Variants in ORC5 observed in about 807,000 individuals in gnomAD.
ORC5 encodes protein phosphatase 1, regulatory subunit 117.
ORC5 carries 39 observed loss-of-function variants against 58.8 expected under a neutral mutation model. The observed-to-expected ratio is 0.66, with a 90% CI of 0.51 to 0.87. ORC5 has a LOEUF of 0.87. Ranked by LOEUF, ORC5 falls within the 40% of genes least tolerant of loss-of-function variation. ORC5 has a pLI of 0.00. For missense variants in ORC5, 493 were observed against 506.3 expected (o/e 0.97, Z 0.25); for synonymous variants, 218 against 177.6 (o/e 1.23, Z -1.81).
At chr7:104,137,686 C>T (rs373804526) in intron 12 of ORC5, among the ~76,000 whole-genome samples, 30 of 152,110 alleles carry the variant, frequency 2.0e-4, no homozygotes, top group African/African-American at 7.0e-4. Context: ...CCAGCAGATG[C>T]CAGCAGGCCA....
At chr7:104,167,521 G>C (rs6979022) in intron 9 of ORC5, among the ~76,000 whole-genome samples, 87,575 of 151,976 alleles carry the variant, frequency 0.58, 29,093 homozygotes, top group Non-Finnish European at 0.76. Flanking sequence ...TGTTGAAGGA[G>C]CTATGTCTAA....
rs964998253 is a variant in ORC5, at chr7:104,146,034, G to A, written c.1150-9141C>T. Reference sequence around the variant, plus strand: ...AGATGACCTTCAAAGAAGAGCAAAAGGAAGTTCTTCAAACAAAAGGAAATA... The same window carrying A: ...AGATGACCTTCAAAGAAGAGCAAAAAGAAGTTCTTCAAACAAAAGGAAATA... On this transcript the variant is annotated intron_variant, in intron 12 of 13. Transcript: ENST00000297431. 3.3e-5 allele frequency among the ~76,000 whole-genome samples: 5 copies of A among 152,180 alleles called. No individual in the cohort carries two copies. In the South Asian group the frequency reaches 8.3e-4, roughly 25 times the overall value.
At chr7:104,162,794 G>A (rs1324403890) in intron 11 of ORC5, among the ~76,000 whole-genome samples, 1 of 152,106 alleles carries the variant, frequency 6.6e-6, no homozygotes, top group African/African-American at 2.4e-5. Flanking sequence ...AAGCTTCCTT[G>A]AACCCTCTCC....
rs1410979436 is a variant in ORC5, at chr7:104,165,293, G to A, written c.991-11C>T. On this transcript the variant is annotated splice_polypyrimidine_tract_variant and intron_variant, in intron 10 of 13. Transcript: ENST00000297431. ...GATTTTTCCATGATGCTGCAATTAAGGAAAACAAATTTTAAGTTGAAAAGA... is the reference window on the plus strand; with the variant it reads ...GATTTTTCCATGATGCTGCAATTAAAGAAAACAAATTTTAAGTTGAAAAGA... The A allele has an allele frequency of 9.4e-6, 14 of 1,493,784 alleles. No individual in the cohort carries two copies. The highest frequency in any genetic ancestry group is 2.8e-5 in the African/African-American group (2 of 71,246). 92.5% of individuals were successfully genotyped at this position (1,493,784 alleles called of 1,614,324 possible).
At chr7:104,126,998 A>T (rs1156725770) in intron 13 of ORC5, 105 bp from the exon 14 acceptor site, 4 of 717,582 alleles carry the variant, frequency 5.6e-6, no homozygotes, top group Non-Finnish European at 9.4e-6. Context: ...TAATGCTAAA[A>T]ATCCTATAGT....
In ORC5 at chr7:104,131,807, G is replaced by A. The variant is rs958714625; in HGVS notation, c.1263-4914C>T. ...AAAGAGGCTGCAGTGAGCCGAGATC[G>A]TGCCACTGCACTCCAGCCTGGGTGA... On this transcript the variant is annotated intron_variant, in intron 13 of 13. Transcript: ENST00000297431. Among the ~76,000 whole-genome samples the A allele has an allele frequency of 3.3e-5, 5 of 151,174 alleles. No homozygotes were observed. In the East Asian group the frequency reaches 5.9e-4, roughly 18 times the overall value.
chr7:104,191,119 GAAA>G (rs749674288), intron 5 of ORC5, among the ~76,000 whole-genome samples: 2 of 78,864 alleles, frequency 2.5e-5, no homozygotes, highest in Non-Finnish European at 5.5e-5. Flanking sequence ...CAAAACTGCT[GAAA>G]AAAAAAAAAA....
chr7:104,199,905 C>G lies in ORC5; in HGVS notation c.366+853G>C, dbSNP rs139440169. 5.3e-3 allele frequency among the ~76,000 whole-genome samples: 813 copies of G among 152,262 alleles called. 14 individuals carry two copies. The highest frequency in any genetic ancestry group is 0.018 in the African/African-American group (754 of 41,550). On this transcript the variant is annotated intron_variant, in intron 3 of 13. Transcript: ENST00000297431. The stretch of plus-strand genomic sequence containing the variant: ...TAATCTCCATGTGTCAAGGGAGAGA[C>G]CAGGTGGAGGTAAATGAATCTTGGG...
intron 12 of ORC5, among the ~76,000 whole-genome samples, chr7:104,148,941 G>A (rs1798802893): frequency 6.6e-6 from 1 of 151,596 alleles, no homozygotes; most frequent in African/African-American, 2.4e-5. Context: ...GGCTGAGGCA[G>A]GAGAATCGCT....
At chr7:104,131,037 G>A (rs1798505208) in intron 13 of ORC5, among the ~76,000 whole-genome samples, 1 of 152,164 alleles carries the variant, frequency 6.6e-6, no homozygotes, top group South Asian at 2.1e-4. Flanking sequence ...ATGGATTGGT[G>A]TTGGAGAAGA....
At chr7:104,175,136 C>T (rs541854284) in intron 8 of ORC5, among the ~76,000 whole-genome samples, 1 of 152,284 alleles carries the variant, frequency 6.6e-6, no homozygotes, top group Non-Finnish European at 1.5e-5. Context: ...CCTTGTGCTT[C>T]CTTGGTAGAA....
chr7:104,188,163 A>C, intron 6 of ORC5, 88 bp downstream of exon 6: 1 of 1,046,904 alleles, frequency 9.6e-7, no homozygotes, highest in Non-Finnish European at 1.3e-6. Context: ...CTACATGGAA[A>C]ACATTAAAAT....
chr7:104,178,327 GC>G (rs1799363461), intron 8 of ORC5, among the ~76,000 whole-genome samples: 1 of 152,112 alleles, frequency 6.6e-6, no homozygotes, highest in Non-Finnish European at 1.5e-5. Flanking sequence ...GTGCTGATGA[GC>G]TTTCTTCATG....
intron 9 of ORC5, among the ~76,000 whole-genome samples, chr7:104,167,631 G>A (rs1199184817): frequency 1.3e-5 from 2 of 152,294 alleles, no homozygotes; most frequent in East Asian, 3.9e-4. Context: ...TGATTCTTAA[G>A]GGAAGGGAAG....
rs1218916903 is a variant in ORC5, at chr7:104,129,943, A to C, written c.1263-3050T>G. Among the ~76,000 whole-genome samples the C allele has an allele frequency of 6.6e-6, 1 of 152,198 alleles. No individual in the cohort carries two copies. The highest frequency in any genetic ancestry group is 1.5e-5 in the Non-Finnish European group (1 of 68,024). On this transcript the variant is annotated intron_variant, in intron 13 of 13. Coordinates refer to ENST00000297431, the MANE Select transcript of ORC5 (RefSeq NM_002553.4). This position sits in a 1 kb window ranked among gnomAD's most constrained non-coding sequence, Gnocchi z 4.9. The stretch of plus-strand genomic sequence containing the variant: ...TTATATGGCATATATTTAAGGATTT[A>C]ATTTTGCCTTTATCCTTTTATTTCA...
At chr7:104,173,729 G>A (rs762506578) in intron 8 of ORC5, among the ~76,000 whole-genome samples, 109 of 152,138 alleles carry the variant, frequency 7.2e-4, no homozygotes, top group Non-Finnish European at 1.1e-3. Flanking sequence ...TGAATACTCC[G>A]GTTACTATAA....
intron 12 of ORC5, among the ~76,000 whole-genome samples, chr7:104,159,872 A>G (rs1798995400): frequency 6.6e-6 from 1 of 152,202 alleles, no homozygotes; most frequent in African/African-American, 2.4e-5. Flanking sequence ...ACAAAACAAA[A>G]AATTCCTATG....
chr7:104,173,673 CT>C (rs1584503132), intron 8 of ORC5, among the ~76,000 whole-genome samples: 1 of 152,246 alleles, frequency 6.6e-6, no homozygotes, highest in East Asian at 1.9e-4. Flanking sequence ...AACTTTTTGC[CT>C]TTTCTGGCAA....
At chr7:104,154,821 A>G (rs1200300192) in intron 12 of ORC5, among the ~76,000 whole-genome samples, 2 of 151,844 alleles carry the variant, frequency 1.3e-5, no homozygotes, top group Admixed American at 1.3e-4. Flanking sequence ...AACTATATAA[A>G]TTTACCACAT....
Sources: gnomAD v4.1 joint callset for allele counts (sites outside exome capture counted in the v4.1 genomes callset) on GRCh38, gnomAD v4.1.1 for gene constraint, Gnocchi (gnomAD v3.1) non-coding constraint, MANE v1.5 for transcripts, NCBI Gene and HGNC (gene_info 2026-07-23, HGNC 2026-07-21) for gene names.